Variants in UBR2 observed in about 807,000 individuals in gnomAD.
The protein encoded by UBR2 is ubiquitin protein ligase E3 component n-recognin 2.
A neutral mutation model predicts 247.9 loss-of-function variants in UBR2; 92 were observed. The ratio of observed to expected loss-of-function variants is 0.37; its 90% CI spans 0.31 to 0.44. The LOEUF is 0.44. Among genes scored for constraint, UBR2 ranks in the 20% least tolerant of loss-of-function variants. UBR2 has a pLI of 1.00. For synonymous variants in UBR2, 672 were observed against 693.5 expected, an observed-to-expected ratio of 0.97 and a Z score of 0.49; for missense variants, 1,613 against 2,112.6, an observed-to-expected ratio of 0.76 and a Z score of 4.64.
intron 4 of UBR2, among the ~76,000 whole-genome samples, chr6:42,599,957 TTAA>T (rs1793251999): frequency 6.6e-6 from 1 of 152,226 alleles, no homozygotes; most frequent in Non-Finnish European, 1.5e-5. Flanking sequence ...TAAAGTGGTA[TTAA>T]TAATAGATTT....
intron 1 of UBR2, 41 bp downstream of exon 1, chr6:42,564,438 G>T: frequency 6.3e-7 from 1 of 1,588,520 alleles, no homozygotes; most frequent in Non-Finnish European, 8.6e-7. Flanking sequence ...GCCCCTCGCA[G>T]GCCGCGCCTG....
intron 17 of UBR2, 53 bp from the exon 18 acceptor site, chr6:42,642,363 A>AGAGCCT: frequency 1.6e-6 from 2 of 1,289,952 alleles, no homozygotes; most frequent in Non-Finnish European, 2.2e-6. Flanking sequence ...AGGATTAGAG[A>AGAGCCT]GAGCCTGAGC....
intron 15 of UBR2, 75 bp downstream of exon 15, chr6:42,637,269 C>T (rs1796155548): frequency 1.4e-6 from 2 of 1,455,998 alleles, no homozygotes; most frequent in South Asian, 1.3e-5. Flanking sequence ...TCTGTGAATA[C>T]TTACTTTGTG....
intron 44 of UBR2, among the ~76,000 whole-genome samples, chr6:42,685,483 T>C (rs1562404054): frequency 6.8e-6 from 1 of 146,872 alleles, no homozygotes; most frequent in East Asian, 2.0e-4. Context: ...TTTTTTTTTT[T>C]GAGACGAGTC....
At chr6:42,670,380 G>A (rs1425947346) in intron 35 of UBR2, 140 bp downstream of exon 35, 9 of 1,100,538 alleles carry the variant, frequency 8.2e-6, no homozygotes, top group Non-Finnish European at 1.1e-5. Flanking sequence ...AGCAAGAAAT[G>A]TAATGTACTG....
intron 32 of UBR2, among the ~76,000 whole-genome samples, chr6:42,663,800 T>G (rs1314528676): frequency 6.6e-6 from 1 of 152,204 alleles, no homozygotes; most frequent in Non-Finnish European, 1.5e-5. Context: ...AACTTTTTGC[T>G]GTACTGGCCA....
intron 2 of UBR2, among the ~76,000 whole-genome samples, chr6:42,579,724 G>A (rs1310967044): frequency 6.6e-6 from 1 of 152,110 alleles, no homozygotes; most frequent in Non-Finnish European, 1.5e-5. Context: ...GCCCAGGCTG[G>A]TCTCAAACTC....
intron 36 of UBR2, among the ~76,000 whole-genome samples, chr6:42,673,277 A>G (rs545319676): frequency 6.6e-6 from 1 of 152,320 alleles, no homozygotes; most frequent in Non-Finnish European, 1.5e-5. Flanking sequence ...GTTTTAGGGT[A>G]TCTGTTTAGG....
In UBR2 at chr6:42,663,309, C is replaced by T; in HGVS notation, c.3588C>T (p.Arg1196=). Residue 1196 remains arginine, a synonymous_variant, in exon 32 of 47, where the codon CGC becomes CGT. Coordinates refer to ENST00000372901, the MANE Select transcript of UBR2 (RefSeq NM_001363705.2). ...AKEQRRQQRL[R]LHTSYDVENG... The stretch of plus-strand genomic sequence containing the variant: ...AACAGCGAAGGCAACAGAGATTACG[C>T]TTACATACGAGCTATGATGTAGAAA... The T allele has an allele frequency of 6.2e-7, 1 of 1,613,650 alleles. No homozygotes were observed. Among genetic ancestry groups the T allele is most frequent in the Non-Finnish European group, 8.5e-7 (1 of 1,179,832 alleles).
Position 42,691,244 on chromosome 6 carries a change from T to C in UBR2, c.*71T>C. On this transcript the variant is annotated 3_prime_UTR_variant, in exon 47 of 47. Transcript: ENST00000372901. ...TTGGCTTTTTAAGAAAGAAAGAAGTTCTGCTGAATTTGGAAATAAATTCTT... is the reference window on the plus strand; with the variant it reads ...TTGGCTTTTTAAGAAAGAAAGAAGTCCTGCTGAATTTGGAAATAAATTCTT... 6.4e-7 allele frequency: 1 copy of C among 1,568,492 alleles called. No homozygotes were observed. Among genetic ancestry groups the C allele is most frequent in the African/African-American group, 1.4e-5 (1 of 72,368 alleles).
At chr6:42,674,235 T>C (rs1169028808) in intron 38 of UBR2, 42 bp downstream of exon 38, 2 of 1,591,656 alleles carry the variant, frequency 1.3e-6, no homozygotes, top group Non-Finnish European at 1.7e-6. Context: ...CGTCATACTA[T>C]GTAACTTTAC....
chr6:42,645,751 A>G (rs1346577745), intron 21 of UBR2, among the ~76,000 whole-genome samples, 161 bp downstream of exon 21: 1 of 152,182 alleles, frequency 6.6e-6, no homozygotes, highest in Non-Finnish European at 1.5e-5. Context: ...TAATTAGAAA[A>G]AGAGAATAGG....
At chr6:42,652,823 A>G (rs1797202686) in intron 25 of UBR2, among the ~76,000 whole-genome samples, 178 bp downstream of exon 25, 1 of 152,190 alleles carries the variant, frequency 6.6e-6, no homozygotes, top group African/African-American at 2.4e-5. Context: ...AGATTTTTTT[A>G]TACCACATGG....
chr6:42,670,964 T>C (rs1234807437), intron 36 of UBR2, among the ~76,000 whole-genome samples: 1 of 152,220 alleles, frequency 6.6e-6, no homozygotes, highest in African/African-American at 2.4e-5. Flanking sequence ...GGCAGGAGGA[T>C]CACCTGAGGT....
intron 4 of UBR2, among the ~76,000 whole-genome samples, chr6:42,598,139 A>T (rs1793116514): frequency 6.6e-6 from 1 of 152,118 alleles, no homozygotes; most frequent in Non-Finnish European, 1.5e-5. Context: ...TCTTCATTGT[A>T]TAGGACAGGG....
Position 42,648,840 on chromosome 6 carries a change from A to G in UBR2, c.2462+670A>G, listed in dbSNP as rs150486472. 7.5e-4 allele frequency among the ~76,000 whole-genome samples: 114 copies of G among 152,296 alleles called. 1 individual carries two copies. The highest frequency in any genetic ancestry group is 2.6e-3 in the African/African-American group (109 of 41,562). ...TCTAAATTTTTTTTCTATACTTGGAACACATATTTATAACAAAAAATGGGT... is the reference window on the plus strand; with the variant it reads ...TCTAAATTTTTTTTCTATACTTGGAGCACATATTTATAACAAAAAATGGGT... On this transcript the variant is annotated intron_variant, in intron 22 of 46. Transcript: ENST00000372901.
intron 1 of UBR2, among the ~76,000 whole-genome samples, chr6:42,565,262 G>A (rs1790712038): frequency 6.6e-6 from 1 of 152,202 alleles, no homozygotes; most frequent in Non-Finnish European, 1.5e-5. Context: ...CATTAGAAGA[G>A]ATTGCCGAGA....
Position 42,641,555 on chromosome 6 carries a change from C to A in UBR2, c.1921-27C>A, listed in dbSNP as rs781264629. 3 of 1,548,696 alleles carry A rather than the reference C, an allele frequency of 1.9e-6. No individual in the cohort carries two copies. The South Asian group carries it at 3.7e-5, about 19-fold the overall frequency. ...TTTATGTGTGTGTTTTTTTTGTTTT[C>A]TGTTTTTTTATTTTTTGTATATATA... On this transcript the variant is annotated intron_variant, in intron 16 of 46. Transcript: ENST00000372901.
intron 23 of UBR2, 80 bp downstream of exon 23, chr6:42,650,466 G>A: frequency 8.0e-7 from 1 of 1,255,692 alleles, no homozygotes; most frequent in South Asian, 1.4e-5. Flanking sequence ...ATGTTGCCCA[G>A]GCTAGAGTTT....
Sources: allele counts gnomAD v4.1 joint callset (sites outside exome capture counted in the v4.1 genomes callset), GRCh38; gene constraint gnomAD v4.1.1; transcripts MANE v1.5; gene names NCBI Gene and HGNC (gene_info 2026-07-23, HGNC 2026-07-21).